ARFIP1: variants seen among roughly 807,000 people sequenced by gnomAD.
ARFIP1 encodes ARF interacting protein 1, also known as arfaptin-1.
ARFIP1 carries 24 observed loss-of-function variants against 42.5 expected under a neutral mutation model. The ratio of observed to expected loss-of-function variants is 0.57; its 90% CI spans 0.41 to 0.80. ARFIP1 has a LOEUF of 0.80. Among genes scored for constraint, ARFIP1 ranks in the 30% least tolerant of loss-of-function variants. ARFIP1 has a pLI of 0.00. For missense variants in ARFIP1, 354 were observed against 434.0 expected (o/e 0.82, Z 1.64); for synonymous variants, 141 against 153.7 (o/e 0.92, Z 0.61).
At chr4:152,878,122 A>G (rs1735521259) in intron 5 of ARFIP1, among the ~76,000 whole-genome samples, 1 of 152,198 alleles carries the variant, frequency 6.6e-6, no homozygotes, top group South Asian at 2.1e-4. Context: ...CAAGTAGAGA[A>G]TCTACATAGG....
intron 3 of ARFIP1, among the ~76,000 whole-genome samples, chr4:152,869,596 G>A (rs1015164775): frequency 3.7e-4 from 57 of 152,068 alleles, no homozygotes; most frequent in African/African-American, 1.3e-3. Flanking sequence ...CTACAGGCTT[G>A]TGCCACCATG....
chr4:152,798,429 G>A (rs1436370016), intron 1 of ARFIP1, among the ~76,000 whole-genome samples: 1 of 152,174 alleles, frequency 6.6e-6, no homozygotes, highest in African/African-American at 2.4e-5. Context: ...TTCTTTGAGT[G>A]TTGGGTTTCG....
chr4:152,781,238 T>C (rs1031877262), intron 1 of ARFIP1, among the ~76,000 whole-genome samples: 9 of 144,902 alleles, frequency 6.2e-5, no homozygotes, highest in South Asian at 2.2e-4. Flanking sequence ...TTTTTTCTTT[T>C]TTTTTTTTTT....
intron 3 of ARFIP1, among the ~76,000 whole-genome samples, chr4:152,868,769 ATAC>A (rs1734621611): frequency 6.6e-6 from 1 of 152,146 alleles, no homozygotes; most frequent in Non-Finnish European, 1.5e-5. Flanking sequence ...GACGGTAGAG[ATAC>A]AGTCTTTGTT....
chr4:152,835,202 C>G (rs1473586908), intron 2 of ARFIP1, among the ~76,000 whole-genome samples: 2 of 152,356 alleles, frequency 1.3e-5, no homozygotes, highest in East Asian at 3.9e-4. Context: ...CAGGGCCAGC[C>G]TGCAAATTTT....
rs1340819704 is a variant in ARFIP1, at chr4:152,824,940, A to G, written c.-9-4685A>G. Among the ~76,000 whole-genome samples, 6 of 151,944 alleles carry G rather than the reference A, an allele frequency of 3.9e-5. No individual in the cohort carries two copies. The East Asian group carries it at 1.2e-3, about 29-fold the overall frequency. On this transcript the variant is annotated intron_variant, in intron 1 of 8. Coordinates refer to ENST00000353617, the MANE Select transcript of ARFIP1 (RefSeq NM_001025595.3). ...ACTCAGTAACTCAATTCCTTTTACA[A>G]TTGATATATATATACACACACGCAC...
chr4:152,826,121 A>G (rs566915126), intron 1 of ARFIP1, among the ~76,000 whole-genome samples: 16 of 152,326 alleles, frequency 1.1e-4, no homozygotes, highest in African/African-American at 3.8e-4. Flanking sequence ...CATTCCCACT[A>G]CTGGGTATCT....
chr4:152,852,896 CCTT>C (rs895659857), intron 2 of ARFIP1, among the ~76,000 whole-genome samples: 5 of 152,148 alleles, frequency 3.3e-5, no homozygotes, highest in African/African-American at 1.2e-4. Context: ...TGGTTAGGCT[CCTT>C]CTGTTAGTAG....
intron 8 of ARFIP1, among the ~76,000 whole-genome samples, chr4:152,888,570 C>T (rs1336579166): frequency 3.3e-5 from 5 of 152,044 alleles, no homozygotes; most frequent in East Asian, 3.8e-4. Flanking sequence ...TTTGGATTGG[C>T]GTTGATAGCA....
chr4:152,901,676 CT>C (rs1419752733), intron 8 of ARFIP1, among the ~76,000 whole-genome samples: 1 of 152,162 alleles, frequency 6.6e-6, no homozygotes, highest in Non-Finnish European at 1.5e-5. Flanking sequence ...TGTTTTAAAT[CT>C]CTGCCTTTCT....
intron 1 of ARFIP1, among the ~76,000 whole-genome samples, chr4:152,818,736 G>A (rs1561120126): frequency 6.6e-6 from 1 of 152,166 alleles, no homozygotes; most frequent in East Asian, 1.9e-4. Flanking sequence ...GGGCAGTTTT[G>A]CCTTCCAAAT....
At chr4:152,836,052 G>A (rs79516619) in intron 2 of ARFIP1, among the ~76,000 whole-genome samples, 2,425 of 152,228 alleles carry the variant, frequency 0.016, 61 homozygotes, top group African/African-American at 0.055. Flanking sequence ...CTCCCTCCTA[G>A]CACCATCTCC....
chr4:152,878,300 A>T (rs962749491), intron 5 of ARFIP1, among the ~76,000 whole-genome samples: 2 of 152,236 alleles, frequency 1.3e-5, no homozygotes, highest in African/African-American at 4.8e-5. Flanking sequence ...TTAGATTGTT[A>T]ATTCTCTTCC....
At chr4:152,884,555 A>C (rs1247538405) in intron 7 of ARFIP1, among the ~76,000 whole-genome samples, 1 of 151,982 alleles carries the variant, frequency 6.6e-6, no homozygotes, top group Non-Finnish European at 1.5e-5. Context: ...AAATACCCCC[A>C]CCACCTCCTA....
intron 1 of ARFIP1, among the ~76,000 whole-genome samples, chr4:152,816,345 C>G (rs1265080471): frequency 6.6e-6 from 1 of 152,214 alleles, no homozygotes; most frequent in Non-Finnish European, 1.5e-5. Context: ...CCATTTCCTC[C>G]TTTTCTCCCC....
At chr4:152,848,745 A>G (rs896828679) in intron 2 of ARFIP1, among the ~76,000 whole-genome samples, 1 of 152,242 alleles carries the variant, frequency 6.6e-6, no homozygotes, top group African/African-American at 2.4e-5. Flanking sequence ...TTTGGTTCAT[A>G]GTAGTTGCTC....
At chr4:152,819,753 AC>A (rs1730207141) in intron 1 of ARFIP1, among the ~76,000 whole-genome samples, 1 of 152,160 alleles carries the variant, frequency 6.6e-6, no homozygotes, top group Admixed American at 6.5e-5. Context: ...GGCTTGGTAG[AC>A]AAAGTGCAGC....
chr4:152,785,225 C>A (rs186334862), intron 1 of ARFIP1, among the ~76,000 whole-genome samples: 1 of 152,258 alleles, frequency 6.6e-6, no homozygotes, highest in East Asian at 1.9e-4. Flanking sequence ...CTGTTTAATA[C>A]CTTCTGTTTG....
At chr4:152,880,744 G>A (rs1449142113) in intron 5 of ARFIP1, among the ~76,000 whole-genome samples, 2 of 152,110 alleles carry the variant, frequency 1.3e-5, no homozygotes, top group Non-Finnish European at 2.9e-5. Flanking sequence ...CAGTATATAA[G>A]TTTGCTAGAT....
Sources: allele counts gnomAD v4.1 joint callset (sites outside exome capture counted in the v4.1 genomes callset), GRCh38; gene constraint gnomAD v4.1.1; transcripts MANE v1.5; gene names NCBI Gene and HGNC (gene_info 2026-07-23, HGNC 2026-07-21).